Variants in SAMD4A observed in about 807,000 individuals in gnomAD.
The protein encoded by SAMD4A is sterile alpha motif domain containing 4A.
In SAMD4A, 33 loss-of-function variants were observed where a neutral mutation model predicts 81.3. That is an observed-to-expected ratio of 0.41 (90% CI 0.31 to 0.54). The LOEUF (loss-of-function observed/expected upper bound fraction) is 0.54. Ranked by LOEUF, SAMD4A falls within the 20% of genes least tolerant of loss-of-function variation. The probability of loss-of-function intolerance (pLI) is 0.37; values close to 1 mark genes in which losing one functional copy is unlikely to be tolerated. For synonymous variants in SAMD4A, 389 were observed against 382.1 expected (o/e 1.02, Z -0.21); for missense variants, 854 against 951.1 (o/e 0.90, Z 1.34).
At chr14:54,698,102 G>A (rs2036620630) in intron 2 of SAMD4A, among the ~76,000 whole-genome samples, 1 of 152,182 alleles carries the variant, frequency 6.6e-6, no homozygotes, top group Admixed American at 6.5e-5. Flanking sequence ...AGAAGGAAGG[G>A]AATTAGGCTC....
At chr14:54,580,121 G>A (rs115031074) in intron 2 of SAMD4A, among the ~76,000 whole-genome samples, 2,658 of 152,268 alleles carry the variant, frequency 0.017, 89 homozygotes, top group African/African-American at 0.061. Flanking sequence ...GGTGTACTGG[G>A]GTCCACTAAG....
In SAMD4A at chr14:54,724,008, G is replaced by GGATGGAAGGAAGGAAGGAA. The variant is rs1555347523; in HGVS notation, c.716-13014_716-13013insTGGAAGGAAGGAAGGAAGA. On this transcript the variant is annotated intron_variant, in intron 3 of 12. Transcript: ENST00000554335. ...GCAAATATTGGATGGATGGATGGAT[G>GGATGGAAGGAAGGAAGGAA]GAAGGAAGGAAGGAAGGAAGGAAGG... Among the ~76,000 whole-genome samples, 7 of 39,112 alleles carry GGATGGAAGGAAGGAAGGAA rather than the reference G, an allele frequency of 1.8e-4. No homozygotes were observed. In the South Asian group the frequency reaches 6.7e-3, roughly 37 times the overall value. 25.7% of individuals were successfully genotyped at this position (39,112 alleles called of 152,430 possible). A position where few individuals can be genotyped will look rare whatever the true frequency, so the allele number is the denominator to read the frequency against.
At chr14:54,742,458 T>C (rs955052723) in intron 4 of SAMD4A, among the ~76,000 whole-genome samples, 1 of 152,162 alleles carries the variant, frequency 6.6e-6, no homozygotes, top group African/African-American at 2.4e-5. Flanking sequence ...CCAGCCTCAC[T>C]AACAGCCCCG....
intron 3 of SAMD4A, among the ~76,000 whole-genome samples, chr14:54,709,298 C>CA (rs988222051): frequency 2.3e-5 from 3 of 131,250 alleles, no homozygotes; most frequent in Non-Finnish European, 4.5e-5. Flanking sequence ...AACAAACAAA[C>CA]AAAAAACAGA....
At chr14:54,594,638 G>C (rs184444194) in intron 2 of SAMD4A, among the ~76,000 whole-genome samples, 1 of 152,154 alleles carries the variant, frequency 6.6e-6, no homozygotes, top group African/African-American at 2.4e-5. Context: ...TTAGTATTCA[G>C]AGGTTAAATT....
At chr14:54,716,381 G>A (rs773342098) in intron 3 of SAMD4A, among the ~76,000 whole-genome samples, 5 of 152,146 alleles carry the variant, frequency 3.3e-5, no homozygotes, top group Non-Finnish European at 5.9e-5. Flanking sequence ...AAGGGCTGAC[G>A]AGAGGGTACA....
chr14:54,773,414 C>T (rs1313873187), intron 9 of SAMD4A, among the ~76,000 whole-genome samples: 1 of 152,182 alleles, frequency 6.6e-6, no homozygotes, highest in Non-Finnish European at 1.5e-5. Flanking sequence ...ATCTTGTGGC[C>T]ACTGGAGGTA....
chr14:54,627,225 G>A (rs953375027), intron 2 of SAMD4A, among the ~76,000 whole-genome samples: 2 of 152,098 alleles, frequency 1.3e-5, no homozygotes, highest in African/African-American at 2.4e-5. Context: ...AGGTAAAAAG[G>A]ACAGAAAGTA....
chr14:54,758,997 C>T (rs2038319865), intron 6 of SAMD4A, among the ~76,000 whole-genome samples: 1 of 152,196 alleles, frequency 6.6e-6, no homozygotes, highest in Non-Finnish European at 1.5e-5. Context: ...TCCCAAGCCC[C>T]AGCCACAAGT....
At chr14:54,641,122 T>C (rs904741601) in intron 2 of SAMD4A, among the ~76,000 whole-genome samples, 2 of 152,232 alleles carry the variant, frequency 1.3e-5, no homozygotes, top group African/African-American at 4.8e-5. Flanking sequence ...CACTTAATGA[T>C]GACTTGAACT....
chr14:54,699,191 T>C (rs1204042786), intron 2 of SAMD4A, among the ~76,000 whole-genome samples: 1 of 152,252 alleles, frequency 6.6e-6, no homozygotes, highest in Non-Finnish European at 1.5e-5. Context: ...GATTTTATCT[T>C]CATGCTAAGC....
chr14:54,672,573 C>G (rs1239786926), intron 2 of SAMD4A, among the ~76,000 whole-genome samples: 1 of 152,138 alleles, frequency 6.6e-6, no homozygotes, highest in East Asian at 1.9e-4. Context: ...GATTTGAACA[C>G]TAGGTTTGAT....
Position 54,768,964 on chromosome 14 carries a change from A to C in SAMD4A, c.1597-1140A>C, listed in dbSNP as rs138896118. On this transcript the variant is annotated intron_variant, in intron 8 of 12. Coordinates refer to ENST00000554335, the MANE Select transcript of SAMD4A (RefSeq NM_015589.6). ...TCTGTTTCCTTTATGGGAACTAGTC[A>C]TTTAGTCTGTTACTGAGTAATATTT... 2.6e-4 allele frequency among the ~76,000 whole-genome samples: 39 copies of C among 152,254 alleles called. No individual in the cohort carries two copies. In the East Asian group the frequency reaches 6.9e-3, roughly 27 times the overall value.
chr14:54,734,259 G>T (rs971043385), intron 3 of SAMD4A, among the ~76,000 whole-genome samples: 17 of 152,206 alleles, frequency 1.1e-4, no homozygotes, highest in Non-Finnish European at 2.4e-4. Context: ...TTTGATTGAG[G>T]TGTGGCATTC....
At chr14:54,591,686 T>C (rs1321704123) in intron 2 of SAMD4A, among the ~76,000 whole-genome samples, 1 of 152,214 alleles carries the variant, frequency 6.6e-6, no homozygotes, top group Non-Finnish European at 1.5e-5. Context: ...GACTACCTCA[T>C]TGTGTTTTCT....
Position 54,567,166 on chromosome 14 carries a change from T to C in SAMD4A, c.-594T>C, listed in dbSNP as rs1296341116. 1.3e-5 allele frequency: 2 copies of C among 152,226 alleles called. No individual in the cohort carries two copies. Among genetic ancestry groups the C allele is most frequent in the Non-Finnish European group, 2.9e-5 (2 of 68,062 alleles). The allele number at this position is 152,226 out of a possible 1,614,324, so 9.4% of individuals were successfully genotyped here. On this transcript the variant is annotated 5_prime_UTR_variant, in exon 1 of 13. Coordinates refer to ENST00000554335, the MANE Select transcript of SAMD4A (RefSeq NM_015589.6). ...AAGTTTTCTGCGCGGGGAAGATCTG[T>C]TGCTGGTGCTGGCGTTCTTAAGCAC... is the stretch of plus-strand genomic sequence containing the variant.
chr14:54,677,074 C>G lies in SAMD4A; in HGVS notation c.197-24988C>G, dbSNP rs77762660. 3.2e-3 allele frequency among the ~76,000 whole-genome samples: 486 copies of G among 152,310 alleles called. 2 individuals carry two copies. The highest frequency in any genetic ancestry group is 0.011 in the African/African-American group (463 of 41,570). On this transcript the variant is annotated intron_variant, in intron 2 of 12. Transcript: ENST00000554335. ...ATCTAACTTGTTATCTCCTGACTTC[C>G]CATTTCTCTGTGAAAGTCAGGTGGT...
intron 2 of SAMD4A, among the ~76,000 whole-genome samples, chr14:54,620,270 T>C (rs986664716): frequency 6.6e-6 from 1 of 152,128 alleles, no homozygotes. Context: ...AACCCCCTCA[T>C]AGGGTTGTTT....
At chr14:54,704,666 C>T (rs1020520129) in intron 3 of SAMD4A, among the ~76,000 whole-genome samples, 3 of 152,172 alleles carry the variant, frequency 2.0e-5, no homozygotes, top group Admixed American at 6.5e-5. Context: ...AGATGACTAG[C>T]TGACATACCT....
Sources: gnomAD v4.1 joint callset for allele counts (sites outside exome capture counted in the v4.1 genomes callset) on GRCh38, gnomAD v4.1.1 for gene constraint, MANE v1.5 for transcripts, NCBI Gene and HGNC (gene_info 2026-07-23, HGNC 2026-07-21) for gene names.